ZHX1: variants seen among roughly 807,000 people sequenced by gnomAD.
ZHX1 encodes the protein zinc fingers and homeoboxes 1, also known as zinc fingers and homeoboxes protein 1.
In ZHX1, 20 loss-of-function variants were observed where a neutral mutation model predicts 61.8. That is an observed-to-expected ratio of 0.32 (90% CI 0.23 to 0.47). The LOEUF (loss-of-function observed/expected upper bound fraction) is 0.47, where lower values mean the gene tolerates loss of function less well. Among genes scored for constraint, ZHX1 ranks in the 20% least tolerant of loss-of-function variants. The pLI is 1.00. For synonymous variants in ZHX1, 318 were observed against 352.6 expected (o/e 0.90, Z 1.10); for missense variants, 800 against 1,034.8 (o/e 0.77, Z 3.11).
chr8:123,261,932 T>A (rs1367570980), intron 2 of ZHX1, among the ~76,000 whole-genome samples: 2 of 152,200 alleles, frequency 1.3e-5, no homozygotes, highest in Non-Finnish European at 2.9e-5. Flanking sequence ...CCTTTGTCAT[T>A]AAAGTGCAAT....
chr8:123,269,422 A>C (rs1826569947), intron 1 of ZHX1, among the ~76,000 whole-genome samples: 1 of 152,218 alleles, frequency 6.6e-6, no homozygotes, highest in Non-Finnish European at 1.5e-5. Context: ...TTACTTTAGA[A>C]CATTTCTATC....
intron 1 of ZHX1, among the ~76,000 whole-genome samples, chr8:123,271,502 G>A (rs1826652745): frequency 6.6e-6 from 1 of 152,024 alleles, no homozygotes; most frequent in Non-Finnish European, 1.5e-5. Flanking sequence ...CCACAATGCT[G>A]CAACACAAAT....
chr8:123,253,556 C>T lies in ZHX1; in HGVS notation c.2391G>A (p.Glu797=), dbSNP rs924607181. 3 of 1,614,182 alleles carry T rather than the reference C, an allele frequency of 1.9e-6. No individual in the cohort carries two copies. The highest frequency in any genetic ancestry group is 2.5e-6 in the Non-Finnish European group (3 of 1,180,008). The change falls in exon 3 of 4, where the codon GAG becomes GAA. Residue 797 remains glutamate (E), a synonymous_variant. Coordinates refer to ENST00000395571, the MANE Select transcript of ZHX1 (RefSeq NM_007222.5). ...DYYLKHKFLN[E]QDLDELVNKS... ...TGTTAACAAGTTCATCAAGGTCTTG[C>T]TCATTAAGAAACTTGTGCTTCAGGT...
Position 123,253,966 on chromosome 8 carries a change from T to C in ZHX1, c.1981A>G (p.Thr661Ala). 4 of 1,614,186 alleles carry C rather than the reference T, an allele frequency of 2.5e-6. No individual in the cohort carries two copies. The highest frequency in any genetic ancestry group is 3.4e-6 in the Non-Finnish European group (4 of 1,180,022). ...GGTGTTTTTTTACATATCTTGCCTG[T>C]ACTCCCTGACTTAGGTGCACCAGAT... is the stretch of plus-strand genomic sequence containing the variant. ...DESGAPKSGS[T>A]GKICKKTPEQ... The change falls in exon 3 of 4, where the codon ACA (threonine) becomes GCA (alanine). Residue 661 changes from threonine (T) to alanine (A), a missense_variant. By Grantham distance (58) the Thr-to-Ala change is moderately conservative (BLOSUM62 0). Coordinates refer to ENST00000395571, the MANE Select transcript of ZHX1 (RefSeq NM_007222.5).
Position 123,254,861 on chromosome 8 carries a change from A to C in ZHX1, c.1086T>G (p.Thr362=). The change falls in exon 3 of 4, where the codon ACT becomes ACG. Residue 362 remains threonine, a synonymous_variant. Coordinates refer to ENST00000395571, the MANE Select transcript of ZHX1 (RefSeq NM_007222.5). The surrounding 1 kb of genome is among the most constrained non-coding windows in gnomAD (Gnocchi z 4.1). ...GAATAACAGTTATGGTCTGAGGTAC[A>C]GTATGCACTGTTCCATTGAATTGTT... ...RRKQFNGTVH[T]VPQTITVIPT... 1 of 1,614,212 alleles carries C rather than the reference A, an allele frequency of 6.2e-7. No homozygotes were observed. The highest frequency in any genetic ancestry group is 8.5e-7 in the Non-Finnish European group (1 of 1,180,028).
Position 123,256,830 on chromosome 8 carries a change from G to C in ZHX1, c.-225-659C>G, listed in dbSNP as rs1464664420. 2.0e-5 allele frequency among the ~76,000 whole-genome samples: 3 copies of C among 151,926 alleles called. No individual in the cohort carries two copies. In the East Asian group the frequency reaches 5.8e-4, roughly 29 times the overall value. ...TAGTTATGTCCTCTTCTTCCTACTG[G>C]TCTATCTCATCAGCCAAAAGCATGC... On this transcript the variant is annotated intron_variant, in intron 2 of 3. Coordinates refer to ENST00000395571, the MANE Select transcript of ZHX1 (RefSeq NM_007222.5).
chr8:123,253,372 C>T lies in ZHX1; in HGVS notation c.2575G>A (p.Glu859Lys). ...EEETDDSDTW[E>K]PPRHVKRKLS... ...TTCCGTTTCACATGTCGTGGAGGTTCCCAAGTGTCACTATCATCTGTTTCT... is the reference window on the plus strand; with the variant it reads ...TTCCGTTTCACATGTCGTGGAGGTTTCCAAGTGTCACTATCATCTGTTTCT... The change falls in exon 3 of 4, where the codon GAA becomes AAA. Residue 859 changes from glutamate (E) to lysine (K), a missense_variant. Coordinates refer to ENST00000395571, the MANE Select transcript of ZHX1 (RefSeq NM_007222.5). The T allele has an allele frequency of 6.2e-7, 1 of 1,613,330 alleles. No homozygotes were observed. The highest frequency in any genetic ancestry group is 1.3e-5 in the African/African-American group (1 of 75,020).
intron 1 of ZHX1, among the ~76,000 whole-genome samples, chr8:123,273,205 G>A (rs1227030890): frequency 6.6e-6 from 1 of 152,118 alleles, no homozygotes; most frequent in Non-Finnish European, 1.5e-5. Context: ...TTTCCTTACA[G>A]TTACCCACGG....
chr8:123,269,763 T>C (rs1826584167), intron 1 of ZHX1, among the ~76,000 whole-genome samples: 1 of 152,262 alleles, frequency 6.6e-6, no homozygotes, highest in South Asian at 2.1e-4. Context: ...GTTTCTGGAA[T>C]ATTCCTTGGT....
In ZHX1 at chr8:123,249,066, T is replaced by C. The variant is rs1163893374; in HGVS notation, c.*1258A>G. The C allele has an allele frequency of 6.6e-6, 1 of 152,624 alleles. No homozygotes were observed. Among genetic ancestry groups the C allele is most frequent in the Non-Finnish European group, 1.5e-5 (1 of 68,010 alleles). The allele number at this position is 152,624 out of a possible 1,614,324, so 9.5% of individuals were successfully genotyped here. Reference sequence around the variant, plus strand: ...AAAACATTTAACCAAGAGCTTAATATTTATTATCCATTAAATTAGAGAAAA... The same window carrying C: ...AAAACATTTAACCAAGAGCTTAATACTTATTATCCATTAAATTAGAGAAAA... On this transcript the variant is annotated 3_prime_UTR_variant, in exon 4 of 4. Transcript: ENST00000395571.
Position 123,255,942 on chromosome 8 carries a change from G to C in ZHX1, c.5C>G (p.Ala2Gly). 1.2e-6 allele frequency: 2 copies of C among 1,602,904 alleles called. No homozygotes were observed. The highest frequency in any genetic ancestry group is 1.7e-6 in the Non-Finnish European group (2 of 1,173,676). M[A>G]SRRKSTTPCM... The stretch of plus-strand genomic sequence containing the variant: ...AGGTGTTGTTGATTTTCGCCTGCTT[G>C]CCATTCTGATGTTATGAGGAAAAGC... Residue 2 changes from alanine (A) to glycine (G), a missense_variant, in exon 3 of 4, where the codon GCA becomes GGA. By Grantham distance (60) the Ala-to-Gly change is moderately conservative (BLOSUM62 0). Coordinates refer to ENST00000395571, the MANE Select transcript of ZHX1 (RefSeq NM_007222.5).
At chr8:123,274,562 C>T (rs1826783675), upstream of ZHX1, 1 of 152,278 alleles carries the variant, frequency 6.6e-6, no homozygotes, top group Admixed American at 6.5e-5. Flanking sequence ...GGTCCGACCC[C>T]GGCCCCTAGT....
intron 1 of ZHX1, 41 bp downstream of exon 1, chr8:123,274,176 T>C (rs1752175251): frequency 6.6e-6 from 1 of 152,010 alleles, no homozygotes; most frequent in African/African-American, 2.4e-5. Context: ...CAGCCCAGAG[T>C]CTCCGGGCCC....
At chr8:123,272,792 G>A (rs920932301) in intron 1 of ZHX1, among the ~76,000 whole-genome samples, 4 of 152,076 alleles carry the variant, frequency 2.6e-5, no homozygotes, top group African/African-American at 9.7e-5. Flanking sequence ...TTCCTGGGGG[G>A]AGACTGCTTC....
Position 123,254,617 on chromosome 8 carries a change from T to C in ZHX1, c.1330A>G (p.Thr444Ala), listed in dbSNP as rs1826015813. 2 of 1,614,080 alleles carry C rather than the reference T, an allele frequency of 1.2e-6. No individual in the cohort carries two copies. The highest frequency in any genetic ancestry group is 1.7e-6 in the Non-Finnish European group (2 of 1,180,022). Reference protein sequence around the residue: ...AQPTAETKPATAAVPTSQSVK... With the variant: ...AQPTAETKPAAAAVPTSQSVK... ...CTTTGAGAAGTTGGAACTGCTGCTG[T>C]TGCTGGCTTTGTTTCTGCAGTAGGC... Residue 444 changes from threonine to alanine, a missense_variant, in exon 3 of 4, where the codon ACA becomes GCA. By Grantham distance (58) the Thr-to-Ala change is moderately conservative. Transcript: ENST00000395571. This position sits in a 1 kb window ranked among gnomAD's most constrained non-coding sequence, Gnocchi z 4.1.
chr8:123,262,644 C>G (rs1304530742), intron 2 of ZHX1, among the ~76,000 whole-genome samples: 1 of 152,090 alleles, frequency 6.6e-6, no homozygotes, highest in Admixed American at 6.6e-5. Flanking sequence ...CCTGCCTAGC[C>G]TACAAATTTT....
chr8:123,264,791 C>T (rs1826397890), intron 2 of ZHX1, among the ~76,000 whole-genome samples: 1 of 150,242 alleles, frequency 6.7e-6, no homozygotes, highest in Admixed American at 6.6e-5. Flanking sequence ...GAACTCCTGA[C>T]ATCATAATCC....
intron 2 of ZHX1, among the ~76,000 whole-genome samples, chr8:123,259,314 T>C (rs982875848): frequency 6.6e-6 from 1 of 152,250 alleles, no homozygotes; most frequent in African/African-American, 2.4e-5. Flanking sequence ...AAATCACTGA[T>C]ATTTACAACT....
In ZHX1 at chr8:123,254,751, G is replaced by A. The variant is rs1214386837; in HGVS notation, c.1196C>T (p.Thr399Ile). ...QIVGQPGLVL[T>I]QVAGTNTLPV... The stretch of plus-strand genomic sequence containing the variant: ...CAAGGTGTTTGTTCCAGCCACTTGA[G>A]TAAGGACCAGACCAGGCTGACCAAC... The change falls in exon 3 of 4, where the codon ACT (threonine) becomes ATT (isoleucine). Residue 399 changes from threonine to isoleucine, a missense_variant. By Grantham distance (89) the Thr-to-Ile change is moderately conservative. Coordinates refer to ENST00000395571, the MANE Select transcript of ZHX1 (RefSeq NM_007222.5). This position sits in a 1 kb window ranked among gnomAD's most constrained non-coding sequence, Gnocchi z 4.1. 6.2e-7 allele frequency: 1 copy of A among 1,614,054 alleles called. No individual in the cohort carries two copies. The highest frequency in any genetic ancestry group is 1.3e-5 in the African/African-American group (1 of 74,926).
Sources: gnomAD v4.1 joint callset for allele counts (sites outside exome capture counted in the v4.1 genomes callset) on GRCh38, gnomAD v4.1.1 for gene constraint, Gnocchi (gnomAD v3.1) non-coding constraint, MANE v1.5 for transcripts, NCBI Gene and HGNC (gene_info 2026-07-23, HGNC 2026-07-21) for gene names.